Variants in CDH13 observed in about 807,000 individuals in gnomAD.
CDH13 encodes the protein cadherin 13.
A neutral mutation model predicts 63.8 loss-of-function variants in CDH13; 24 were observed. That is an observed-to-expected ratio of 0.38 (90% CI 0.27 to 0.53). The LOEUF is 0.53. CDH13 is among the 20% of genes least tolerant of loss of function. CDH13 has a pLI of 0.85. For synonymous variants in CDH13, 503 were observed against 355.3 expected (o/e 1.42, Z -4.67); for missense variants, 1,049 against 903.1 (o/e 1.16, Z -2.07).
chr16:82,849,647 C>A (rs1411136273), intron 1 of CDH13, among the ~76,000 whole-genome samples: 1 of 152,212 alleles, frequency 6.6e-6, no homozygotes, highest in East Asian at 1.9e-4. Context: ...TTAAAACATT[C>A]TTATACTGGA....
chr16:83,384,860 A>T (rs1354765965), intron 6 of CDH13, among the ~76,000 whole-genome samples: 1 of 152,234 alleles, frequency 6.6e-6, no homozygotes, highest in Non-Finnish European at 1.5e-5. Context: ...TATTATATAC[A>T]AGTCTCATGA....
chr16:83,476,534 G>C (rs182194376), intron 6 of CDH13, among the ~76,000 whole-genome samples: 1 of 152,160 alleles, frequency 6.6e-6, no homozygotes, highest in African/African-American at 2.4e-5. Flanking sequence ...TTAGCAAGGC[G>C]TGGTGGCGCA....
At chr16:83,460,420 CAAG>C (rs1348955361) in intron 6 of CDH13, among the ~76,000 whole-genome samples, 1 of 152,136 alleles carries the variant, frequency 6.6e-6, no homozygotes, top group African/African-American at 2.4e-5. Flanking sequence ...GGCACAGAGA[CAAG>C]AACACTCCTA....
intron 5 of CDH13, among the ~76,000 whole-genome samples, chr16:83,272,330 A>G (rs1429999906): frequency 6.6e-6 from 1 of 152,232 alleles, no homozygotes; most frequent in Non-Finnish European, 1.5e-5. Flanking sequence ...TTCTTGCTAC[A>G]TAAAGAGTTA....
intron 4 of CDH13, among the ~76,000 whole-genome samples, chr16:83,148,168 C>T (rs1416076092): frequency 6.6e-6 from 1 of 152,162 alleles, no homozygotes; most frequent in Non-Finnish European, 1.5e-5. Context: ...GAACTCCTGA[C>T]CTCAAGTGAT....
intron 11 of CDH13, among the ~76,000 whole-genome samples, chr16:83,750,843 G>A (rs187789358): frequency 7.9e-5 from 12 of 152,254 alleles, no homozygotes; most frequent in Admixed American, 2.0e-4. Flanking sequence ...ATAGATTTCT[G>A]TCGTGTAAGC....
intron 1 of CDH13, among the ~76,000 whole-genome samples, chr16:82,827,732 C>G (rs2038322520): frequency 6.6e-6 from 1 of 152,082 alleles, no homozygotes; most frequent in Non-Finnish European, 1.5e-5. Flanking sequence ...CATGAATGCC[C>G]TTTTTTACTT....
At chr16:83,577,239 C>T (rs1259048487) in intron 7 of CDH13, among the ~76,000 whole-genome samples, 1 of 152,182 alleles carries the variant, frequency 6.6e-6, no homozygotes, top group Non-Finnish European at 1.5e-5. Context: ...CAGCCCCTGT[C>T]CTACTGTGTC....
chr16:83,771,267 C>T (rs1914742849), intron 11 of CDH13, among the ~76,000 whole-genome samples: 2 of 152,174 alleles, frequency 1.3e-5, no homozygotes, highest in Non-Finnish European at 2.9e-5. Context: ...AAGTCATGAG[C>T]CAACCAGACC....
At chr16:83,792,518 A>C (rs1916341031) in intron 13 of CDH13, among the ~76,000 whole-genome samples, 1 of 152,184 alleles carries the variant, frequency 6.6e-6, no homozygotes, top group Non-Finnish European at 1.5e-5. Context: ...GAGACAGTTG[A>C]AATGTCTAGA....
intron 1 of CDH13, among the ~76,000 whole-genome samples, chr16:82,700,724 C>A (rs2030883850): frequency 6.6e-6 from 1 of 152,038 alleles, no homozygotes; most frequent in Non-Finnish European, 1.5e-5. Context: ...GAGTCTCACC[C>A]TCCTCTTTGC....
At chr16:82,976,345 C>T (rs1251406191) in intron 2 of CDH13, among the ~76,000 whole-genome samples, 1 of 152,132 alleles carries the variant, frequency 6.6e-6, no homozygotes, top group Non-Finnish European at 1.5e-5. Context: ...CTATGCCTCC[C>T]TCTTCCTACC....
chr16:82,718,614 T>G (rs1941078054), intron 1 of CDH13, among the ~76,000 whole-genome samples: 1 of 152,160 alleles, frequency 6.6e-6, no homozygotes, highest in Admixed American at 6.6e-5. Flanking sequence ...CAAAAGAGGT[T>G]TAACAGACTC....
intron 1 of CDH13, among the ~76,000 whole-genome samples, chr16:82,803,551 G>T (rs550120983): frequency 6.5e-4 from 99 of 152,300 alleles, no homozygotes; most frequent in Non-Finnish European, 1.1e-3. Context: ...CAATGTTCCT[G>T]TAGTCGCTCT....
chr16:82,845,950 T>TA (rs2039238880), intron 1 of CDH13, among the ~76,000 whole-genome samples: 1 of 152,200 alleles, frequency 6.6e-6, no homozygotes, highest in East Asian at 1.9e-4. Context: ...ATCTTAATAG[T>TA]AAAGAGTTAA....
In CDH13 at chr16:83,353,449, C is replaced by G. The variant is rs552620556; in HGVS notation, c.781+8443C>G. On this transcript the variant is annotated intron_variant, in intron 6 of 13. Transcript: ENST00000567109. ...ATGTTAGGACCCTTGGCTGCTGGCT[C>G]ATGGGAGCTGGATACCAAAGCATCT... is the stretch of plus-strand genomic sequence containing the variant. 5.2e-4 allele frequency among the ~76,000 whole-genome samples: 79 copies of G among 152,384 alleles called. No homozygotes were observed. In the South Asian group the frequency reaches 0.016, roughly 30 times the overall value.
intron 6 of CDH13, among the ~76,000 whole-genome samples, chr16:83,367,374 A>G (rs1212774323): frequency 6.6e-6 from 1 of 152,188 alleles, no homozygotes; most frequent in East Asian, 1.9e-4. Context: ...GTTATATTTT[A>G]TGACATTTAT....
chr16:83,774,405 C>T (rs1276371087), intron 11 of CDH13, among the ~76,000 whole-genome samples: 1 of 152,068 alleles, frequency 6.6e-6, no homozygotes, highest in Non-Finnish European at 1.5e-5. Flanking sequence ...CAGAGTCTTG[C>T]TCTGCTGCCC....
At chr16:83,721,837 G>A (rs1422439498) in intron 10 of CDH13, 1 of 152,252 alleles carries the variant, frequency 6.6e-6, no homozygotes, top group African/African-American at 2.4e-5. Context: ...TTGCATCTAA[G>A]TGGAATAAGG....
Sources: gnomAD v4.1 joint callset for allele counts (sites outside exome capture counted in the v4.1 genomes callset) on GRCh38, gnomAD v4.1.1 for gene constraint, MANE v1.5 for transcripts, NCBI Gene and HGNC (gene_info 2026-07-23, HGNC 2026-07-21) for gene names.